GPC3: variants seen among roughly 807,000 people sequenced by gnomAD.
GPC3 encodes glypican-3.
In GPC3, 3 loss-of-function variants were observed where a neutral mutation model predicts 34.4. The ratio of observed to expected loss-of-function variants is 0.09; its 90% confidence interval spans 0.04 to 0.23. The LOEUF (loss-of-function observed/expected upper bound fraction) is 0.23, where lower values mean the gene tolerates loss of function less well. Among genes scored for constraint, GPC3 ranks in the 10% least tolerant of loss-of-function variants. The pLI is 1.00. For synonymous variants in GPC3, 177 were observed against 174.0 expected (o/e 1.02, Z -0.13); for missense variants, 351 against 445.6 (o/e 0.79, Z 1.91).
At chrX:133,714,756 G>C (rs2071298918) in intron 3 of GPC3, among the ~76,000 whole-genome samples, 1 of 111,751 alleles carries the variant, frequency 8.9e-6, no homozygotes, top group African/African-American at 3.3e-5. Context: ...TTTAATAAAA[G>C]TATTTGCAGC....
chrX:133,954,468 G>A (rs1319897677), intron 1 of GPC3, among the ~76,000 whole-genome samples: 1 of 111,038 alleles, frequency 9.0e-6, no homozygotes, highest in Non-Finnish European at 1.9e-5. Context: ...TCCACCTCCT[G>A]GGTTCAAGCG....
At chrX:133,888,266 T>C (rs2076070687) in intron 2 of GPC3, among the ~76,000 whole-genome samples, 1 of 111,811 alleles carries the variant, frequency 8.9e-6, no homozygotes, top group African/African-American at 3.3e-5. Context: ...TCCTTTATTA[T>C]GGCTGCATAG....
At chrX:133,628,943 TG>T (rs2070336700) in intron 6 of GPC3, among the ~76,000 whole-genome samples, 1 of 111,582 alleles carries the variant, frequency 9.0e-6, no homozygotes, top group Non-Finnish European at 1.9e-5. Context: ...CAAGTAATTC[TG>T]GTGGATGTAT....
chrX:133,795,110 A>G (rs770430350), intron 2 of GPC3, among the ~76,000 whole-genome samples: 2 of 112,596 alleles, frequency 1.8e-5, no homozygotes, highest in South Asian at 7.4e-4. Flanking sequence ...TCAGCCTAAG[A>G]TATGCCAACT....
intron 7 of GPC3, among the ~76,000 whole-genome samples, chrX:133,552,707 A>T (rs909439540): frequency 8.9e-6 from 1 of 112,033 alleles, no homozygotes; most frequent in Non-Finnish European, 1.9e-5. Context: ...GTTAGTAGAT[A>T]TTTTGCTCAA....
chrX:133,740,812 C>A (rs985511687), intron 3 of GPC3, among the ~76,000 whole-genome samples: 1 of 110,792 alleles, frequency 9.0e-6, no homozygotes, highest in Admixed American at 9.6e-5. Context: ...TTTTAAAATA[C>A]TTTTTTAAAG....
At chrX:133,953,338 T>C (rs954621325) in intron 1 of GPC3, 127 bp from the exon 2 acceptor site, 1 of 552,690 alleles carries the variant, frequency 1.8e-6, no homozygotes, top group Non-Finnish European at 3.1e-6. Context: ...TGCATTTCTT[T>C]TGAGATACAG....
chrX:133,727,550 C>CAAA (rs370410324), intron 3 of GPC3, among the ~76,000 whole-genome samples: 4,034 of 99,431 alleles, frequency 0.041, 248 homozygotes, highest in African/African-American at 0.14. Flanking sequence ...AACACTGTCT[C>CAAA]AAAAAAAAAA....
At chrX:133,899,933 G>C (rs2076136592) in intron 2 of GPC3, among the ~76,000 whole-genome samples, 1 of 110,992 alleles carries the variant, frequency 9.0e-6, no homozygotes, top group Non-Finnish European at 1.9e-5. Context: ...CTCCTGAGTA[G>C]CTAGGATTAC....
chrX:133,918,855 G>A (rs2076235671), intron 2 of GPC3, among the ~76,000 whole-genome samples: 1 of 112,208 alleles, frequency 8.9e-6, no homozygotes, highest in African/African-American at 3.2e-5. Context: ...GTCTCCAGAT[G>A]TAATTACAAG....
intron 2 of GPC3, among the ~76,000 whole-genome samples, chrX:133,867,678 A>G (rs1212918177): frequency 9.2e-6 from 1 of 109,029 alleles, no homozygotes; most frequent in Non-Finnish European, 1.9e-5. Context: ...CTGAATGGGG[A>G]CAGGCATTCC....
At chrX:133,834,348 C>T (rs777802817) in intron 2 of GPC3, among the ~76,000 whole-genome samples, 61 of 111,639 alleles carry the variant, frequency 5.5e-4, no homozygotes, top group Non-Finnish European at 9.4e-4. Context: ...AGCAGATTCA[C>T]GTAAGGTGCT....
chrX:133,826,580 T>C (rs953018346), intron 2 of GPC3, among the ~76,000 whole-genome samples: 1 of 110,729 alleles, frequency 9.0e-6, no homozygotes, highest in African/African-American at 3.3e-5. Context: ...AAAACATAAT[T>C]GTTGTCCCAG....
chrX:133,890,655 C>T (rs780176598), intron 2 of GPC3, among the ~76,000 whole-genome samples: 11 of 109,808 alleles, frequency 1.0e-4, no homozygotes, highest in East Asian at 2.9e-4. Flanking sequence ...ATCAGGAGTT[C>T]GAGACCAGAC....
chrX:133,739,840 G>A (rs978306840), intron 3 of GPC3, among the ~76,000 whole-genome samples: 20 of 111,926 alleles, frequency 1.8e-4, no homozygotes, highest in African/African-American at 4.9e-4. Context: ...CCGAGACGGC[G>A]CCACTGCACT....
intron 2 of GPC3, among the ~76,000 whole-genome samples, chrX:133,898,713 A>C (rs990445404): frequency 8.9e-6 from 1 of 111,872 alleles, no homozygotes; most frequent in Admixed American, 9.5e-5. Flanking sequence ...TGCTTTAAGG[A>C]GTTGATGGTT....
chrX:133,859,862 G>A (rs868549087), intron 2 of GPC3, among the ~76,000 whole-genome samples: 3 of 111,858 alleles, frequency 2.7e-5, no homozygotes, highest in Admixed American at 9.5e-5. Context: ...TGTACAAGAA[G>A]CATGGTATCA....
chrX:133,886,521 T>C (rs1248104386), intron 2 of GPC3, among the ~76,000 whole-genome samples: 1 of 111,909 alleles, frequency 8.9e-6, no homozygotes, highest in Non-Finnish European at 1.9e-5. Flanking sequence ...TCAAGCTAAT[T>C]AATATATCCA....
At chrX:133,746,027 T>C (rs984803940) in intron 3 of GPC3, among the ~76,000 whole-genome samples, 1 of 112,363 alleles carries the variant, frequency 8.9e-6, no homozygotes, top group African/African-American at 3.2e-5. Context: ...CAACTCACTA[T>C]GTGTACAGGA....
Sources: gnomAD v4.1 joint callset for allele counts (sites outside exome capture counted in the v4.1 genomes callset) on GRCh38, gnomAD v4.1.1 for gene constraint, MANE v1.5 for transcripts, NCBI Gene and HGNC (gene_info 2026-07-23, HGNC 2026-07-21) for gene names.